Variants in MAGI2 observed in about 807,000 individuals in gnomAD.
The protein encoded by MAGI2 is membrane-associated guanylate kinase, WW and PDZ domain-containing protein 2.
Under a neutral mutation model 133.3 loss-of-function variants are expected in MAGI2, and 35 were observed. The ratio of observed to expected loss-of-function variants is 0.26; its 90% confidence interval spans 0.20 to 0.35. MAGI2 has a LOEUF of 0.35. Among genes scored for constraint, MAGI2 ranks in the 10% least tolerant of loss-of-function variants. The pLI is 1.00. For synonymous variants in MAGI2, 729 were observed against 710.6 expected, an observed-to-expected ratio of 1.03 and a Z score of -0.41; for missense variants, 1,636 against 1,863.4, an observed-to-expected ratio of 0.88 and a Z score of 2.25.
intron 6 of MAGI2, among the ~76,000 whole-genome samples, chr7:78,385,218 C>T (rs1795271267): frequency 6.6e-6 from 1 of 152,118 alleles, no homozygotes; most frequent in Non-Finnish European, 1.5e-5. Flanking sequence ...AATAAAAGTA[C>T]TGATTGTCAA....
At chr7:79,107,725 A>G (rs1298930283) in intron 1 of MAGI2, among the ~76,000 whole-genome samples, 2 of 152,196 alleles carry the variant, frequency 1.3e-5, no homozygotes, top group Non-Finnish European at 2.9e-5. Flanking sequence ...CATATTAACA[A>G]GTCAGACCCA....
At chr7:78,794,603 GA>G (rs34085868) in intron 2 of MAGI2, among the ~76,000 whole-genome samples, 55,253 of 130,492 alleles carry the variant, frequency 0.42, 10,230 homozygotes, top group East Asian at 0.55. Context: ...TCATGCAAAA[GA>G]AAAAAAAAAA....
At chr7:79,290,785 T>C (rs769183395) in intron 1 of MAGI2, among the ~76,000 whole-genome samples, 1 of 152,076 alleles carries the variant, frequency 6.6e-6, no homozygotes, top group Non-Finnish European at 1.5e-5. Flanking sequence ...AACTACCAAA[T>C]CCAGAGGAAT....
chr7:79,315,447 T>C (rs1838647310), intron 1 of MAGI2, among the ~76,000 whole-genome samples: 1 of 151,740 alleles, frequency 6.6e-6, no homozygotes, highest in Non-Finnish European at 1.5e-5. Flanking sequence ...AGTGTTAGGA[T>C]TATAGGTGTG....
chr7:78,425,543 T>C lies in MAGI2; in HGVS notation c.1046-56330A>G, dbSNP rs569903008. Among the ~76,000 whole-genome samples, 11 of 152,334 alleles carry C rather than the reference T, an allele frequency of 7.2e-5. No homozygotes were observed. The East Asian group carries it at 1.7e-3, about 24-fold the overall frequency. ...GCTAGACATCTGTATGTGCTCACTATTGGTCCTTTTCTAAAGATTGGTCTG... is the reference window on the plus strand; with the variant it reads ...GCTAGACATCTGTATGTGCTCACTACTGGTCCTTTTCTAAAGATTGGTCTG... On this transcript the variant is annotated intron_variant, in intron 6 of 21. Coordinates refer to ENST00000354212, the MANE Select transcript of MAGI2 (RefSeq NM_012301.4).
intron 1 of MAGI2, among the ~76,000 whole-genome samples, chr7:79,341,931 C>T (rs982937738): frequency 2.0e-5 from 3 of 152,152 alleles, no homozygotes; most frequent in Non-Finnish European, 2.9e-5. Flanking sequence ...TACTTTCATG[C>T]TATCTTGGCC....
chr7:79,344,857 TA>T (rs1451731608), intron 1 of MAGI2, among the ~76,000 whole-genome samples: 1 of 152,038 alleles, frequency 6.6e-6, no homozygotes, highest in African/African-American at 2.4e-5. Flanking sequence ...GAGTTGATAT[TA>T]GGGGAGTCAG....
rs144875596 is a variant in MAGI2, at chr7:78,912,842, C to CAT, written c.418+94246_418+94247dup. Among the ~76,000 whole-genome samples the CAT allele has an allele frequency of 0.023, 3,343 of 145,192 alleles. 274 individuals are homozygous for CAT. In the East Asian group the frequency reaches 0.27, roughly 12 times the overall value. Reference sequence around the variant, plus strand: ...TCATATATATATATATATTCCACTTCATATATCCATCATATATATATGATA... The same window carrying CAT: ...TCATATATATATATATATTCCACTTCATATATATCCATCATATATATATGATA... On this transcript the variant is annotated intron_variant, in intron 2 of 21. Transcript: ENST00000354212.
intron 7 of MAGI2, among the ~76,000 whole-genome samples, chr7:78,361,838 C>T (rs1220660015): frequency 2.0e-5 from 3 of 152,106 alleles, no homozygotes; most frequent in Non-Finnish European, 4.4e-5. Flanking sequence ...GAGCAAATGT[C>T]GATTCTGCTA....
chr7:78,609,003 G>A (rs1480803667), intron 3 of MAGI2, among the ~76,000 whole-genome samples: 2 of 152,164 alleles, frequency 1.3e-5, no homozygotes, highest in African/African-American at 4.8e-5. Context: ...CAAAACTGAA[G>A]AACTTGGAGT....
At position 79,453,477 on chromosome 7, in the gene MAGI2, G is replaced by A. The variant is rs879359131; in HGVS notation, c.-157C>T. 8.3e-6 allele frequency: 12 copies of A among 1,442,356 alleles called. No homozygotes were observed. Among genetic ancestry groups the A allele is most frequent in the African/African-American group, 1.4e-5 (1 of 70,034 alleles). The allele number at this position is 1,442,356 out of a possible 1,614,324, so 89.3% of individuals were successfully genotyped here. A position where few individuals can be genotyped will look rare whatever the true frequency, so the allele number is the denominator to read the frequency against. ...CGGTGCTTTCCCTCTTCTTTGGATGGAGTGTGGACGAGGAATGGGGAGGAT... is the reference window on the plus strand; with the variant it reads ...CGGTGCTTTCCCTCTTCTTTGGATGAAGTGTGGACGAGGAATGGGGAGGAT... On this transcript the variant is annotated 5_prime_UTR_variant, in exon 1 of 22. Coordinates refer to ENST00000354212, the MANE Select transcript of MAGI2 (RefSeq NM_012301.4).
At chr7:78,376,877 G>A (rs2151281968) in intron 6 of MAGI2, among the ~76,000 whole-genome samples, 1 of 152,162 alleles carries the variant, frequency 6.6e-6, no homozygotes, top group African/African-American at 2.4e-5. Flanking sequence ...GGCATTACAA[G>A]GTCAAAACAT....
intron 1 of MAGI2, among the ~76,000 whole-genome samples, chr7:79,292,589 T>C (rs1180138273): frequency 6.6e-6 from 1 of 151,392 alleles, no homozygotes; most frequent in Non-Finnish European, 1.5e-5. Context: ...GCTGAGAGCA[T>C]GCCACTGCAC....
rs143110434 is a variant in MAGI2, at chr7:78,699,275, A to G, written c.419-72036T>C. Among the ~76,000 whole-genome samples the G allele has an allele frequency of 3.5e-3, 534 of 152,184 alleles. 6 individuals are homozygous for G. Among genetic ancestry groups the G allele is most frequent in the African/African-American group, 0.012 (500 of 41,510 alleles). On this transcript the variant is annotated intron_variant, in intron 2 of 21. Transcript: ENST00000354212. The stretch of plus-strand genomic sequence containing the variant: ...CATGCCACATGCTCAGCTAATTTAA[A>G]TTTTGTGTAGTGATAAGGTCTCACT...
chr7:78,596,788 A>G (rs1804653682), intron 3 of MAGI2, among the ~76,000 whole-genome samples: 1 of 152,166 alleles, frequency 6.6e-6, no homozygotes. Context: ...TTGTCATCCA[A>G]ATGTCATCAA....
chr7:79,267,751 G>A (rs1472558295), intron 1 of MAGI2, among the ~76,000 whole-genome samples: 1 of 152,144 alleles, frequency 6.6e-6, no homozygotes, highest in Non-Finnish European at 1.5e-5. Context: ...ATGTGCGTAA[G>A]CATGGGAATC....
At chr7:79,100,938 T>G (rs1271725456) in intron 1 of MAGI2, among the ~76,000 whole-genome samples, 1 of 152,024 alleles carries the variant, frequency 6.6e-6, no homozygotes, top group Non-Finnish European at 1.5e-5. Context: ...CCTCATCTTT[T>G]TCCTACTGAG....
intron 6 of MAGI2, among the ~76,000 whole-genome samples, chr7:78,381,413 A>G (rs536354288): frequency 8.5e-5 from 13 of 152,248 alleles, no homozygotes; most frequent in African/African-American, 2.9e-4. Flanking sequence ...TAATCCAAGT[A>G]TGAGGAAAGG....
chr7:78,211,230 C>A (rs777107782), intron 10 of MAGI2, among the ~76,000 whole-genome samples: 2 of 147,192 alleles, frequency 1.4e-5, no homozygotes, highest in African/African-American at 4.9e-5. Flanking sequence ...AGTGGGTGAA[C>A]CCCCCAGGAT....
Sources: allele counts gnomAD v4.1 joint callset (sites outside exome capture counted in the v4.1 genomes callset), GRCh38; gene constraint gnomAD v4.1.1; transcripts MANE v1.5; gene names NCBI Gene and HGNC (gene_info 2026-07-23, HGNC 2026-07-21).